Variants in SARAF observed in about 807,000 individuals in gnomAD.
SARAF encodes store-operated calcium entry-associated regulatory factor.
A neutral mutation model predicts 39.7 loss-of-function variants in SARAF; 23 were observed. The ratio of observed to expected loss-of-function variants is 0.58; its 90% CI spans 0.42 to 0.82. The LOEUF (loss-of-function observed/expected upper bound fraction) is 0.82, where lower values mean the gene tolerates loss of function less well. Ranked by LOEUF, SARAF falls within the 40% of genes least tolerant of loss-of-function variation. The probability of loss-of-function intolerance (pLI) is 0.00; values close to 1 mark genes in which losing one functional copy is unlikely to be tolerated. For missense variants in SARAF, 384 were observed against 418.5 expected, an observed-to-expected ratio of 0.92 and a Z score of 0.72; for synonymous variants, 175 against 168.5, an observed-to-expected ratio of 1.04 and a Z score of -0.30.
In SARAF at chr8:30,065,974, T is replaced by C; in HGVS notation, c.994+14A>G. 1.9e-6 allele frequency: 3 copies of C among 1,547,566 alleles called. No homozygotes were observed. Among genetic ancestry groups the C allele is most frequent in the South Asian group, 1.1e-5 (1 of 88,222 alleles). ...TACTCCTAGGTAAAAGGAACTTGTATTTTTTGCTCTTACCTGATGCAGTTC... is the reference window on the plus strand; with the variant it reads ...TACTCCTAGGTAAAAGGAACTTGTACTTTTTGCTCTTACCTGATGCAGTTC... On this transcript the variant is annotated intron_variant, in intron 5 of 5. Transcript: ENST00000256255.
rs1402020823 is a variant in SARAF at position 30,064,555 on chromosome 8, A to ATTTTTTTTTT, written c.995-643_995-642insAAAAAAAAAA. On this transcript the variant is annotated intron_variant, in intron 5 of 5. Coordinates refer to ENST00000256255, the MANE Select transcript of SARAF (RefSeq NM_016127.6). ...TAGCCATATATATATATATATATAT[A>ATTTTTTTTTT]TATATATTTTTTTTTTTTTTTTTTG... Among the ~76,000 whole-genome samples the ATTTTTTTTTT allele has an allele frequency of 3.2e-4, 17 of 52,504 alleles. No individual in the cohort carries two copies. The East Asian group carries it at 3.3e-3, about 10-fold the overall frequency. The allele number at this position is 52,504 out of a possible 152,430, so 34.4% of individuals were successfully genotyped here.
At chr8:30,075,981 TA>T (rs1491525634) in intron 1 of SARAF, among the ~76,000 whole-genome samples, 1 of 7,378 alleles carries the variant, frequency 1.4e-4, no homozygotes, top group South Asian at 7.9e-3. Context: ...ACAGAATCCC[TA>T]AAAAAAAACA....
intron 1 of SARAF, 47 bp from the exon 2 acceptor site, chr8:30,074,102 GAGAA>G: frequency 6.3e-7 from 1 of 1,579,466 alleles, no homozygotes. Flanking sequence ...TATCGTGTCA[GAGAA>G]AGAAAGGTTC....
intron 1 of SARAF, among the ~76,000 whole-genome samples, chr8:30,075,785 TA>T (rs1234574796): frequency 6.6e-6 from 1 of 152,080 alleles, no homozygotes; most frequent in East Asian, 1.9e-4. Context: ...AAAATTCTAC[TA>T]AAACTATAAT....
Position 30,063,381 on chromosome 8 carries a change from G to A in SARAF, c.*507C>T, listed in dbSNP as rs1801601187. On this transcript the variant is annotated 3_prime_UTR_variant, in exon 6 of 6. Transcript: ENST00000256255. Reference sequence around the variant, plus strand: ...CACCACTGAATGATTCAAAGCTTCAGAGCTCAAAAGTGATCAGAACTCACA... The same window carrying A: ...CACCACTGAATGATTCAAAGCTTCAAAGCTCAAAAGTGATCAGAACTCACA... 2 of 153,736 alleles carry A rather than the reference G, an allele frequency of 1.3e-5. No individual in the cohort carries two copies. Among genetic ancestry groups the A allele is most frequent in the African/African-American group, 4.8e-5 (2 of 41,458 alleles). 9.5% of individuals were successfully genotyped at this position (153,736 alleles called of 1,614,324 possible). A position where few individuals can be genotyped will look rare whatever the true frequency, so the allele number is the denominator to read the frequency against.
At chr8:30,070,503 T>C (rs1220087186) in intron 2 of SARAF, among the ~76,000 whole-genome samples, 1 of 152,194 alleles carries the variant, frequency 6.6e-6, no homozygotes, top group African/African-American at 2.4e-5. Context: ...TAAGTATTCA[T>C]GTCTAAGGGA....
At chr8:30,069,227 C>T (rs1801771027) in intron 3 of SARAF, among the ~76,000 whole-genome samples, 1 of 148,890 alleles carries the variant, frequency 6.7e-6, no homozygotes, top group East Asian at 2.0e-4. Flanking sequence ...GCAACCTCCA[C>T]CTCCCGGGTT....
chr8:30,074,052 C>G lies in SARAF; in HGVS notation c.107G>C (p.Arg36Thr). ...GPALGWNDPDRMLLRDVKALT... is the reference protein window; with the variant it reads ...GPALGWNDPDTMLLRDVKALT... The stretch of plus-strand genomic sequence containing the variant: ...AGCTTTTACATCCCGCAGCAACATT[C>G]TGTCTGAAACAGCAAGAAAACAGAG... Residue 36 changes from arginine (R) to threonine (T), a missense_variant, in exon 2 of 6, where the codon AGA (arginine) becomes ACA (threonine). Transcript: ENST00000256255. 2 of 1,611,470 alleles carry G rather than the reference C, an allele frequency of 1.2e-6. No homozygotes were observed. Among genetic ancestry groups the G allele is most frequent in the Non-Finnish European group, 1.7e-6 (2 of 1,178,124 alleles).
intron 2 of SARAF, among the ~76,000 whole-genome samples, chr8:30,073,104 C>G (rs1458817409): frequency 6.6e-6 from 1 of 152,070 alleles, no homozygotes; most frequent in Non-Finnish European, 1.5e-5. Context: ...TAAGTATCAC[C>G]CAGTACACAT....
intron 1 of SARAF, among the ~76,000 whole-genome samples, chr8:30,081,784 A>G (rs966042294): frequency 6.6e-6 from 1 of 151,044 alleles, no homozygotes; most frequent in Non-Finnish European, 1.5e-5. Flanking sequence ...CATTTATTAC[A>G]TGGAAAAAGT....
At chr8:30,074,322 C>T (rs1000524846) in intron 1 of SARAF, among the ~76,000 whole-genome samples, 5 of 152,096 alleles carry the variant, frequency 3.3e-5, no homozygotes, top group African/African-American at 1.2e-4. Context: ...ATCAAAAGAA[C>T]AAAAAGTTCA....
rs527695849 is a variant in SARAF at position 30,063,697 on chromosome 8, A to G, written c.*191T>C. ...TGCATGTTACACTGACATACAACAC[A>G]TAAGTATTTTGTCACACATCAACTT... On this transcript the variant is annotated 3_prime_UTR_variant, in exon 6 of 6. Transcript: ENST00000256255. 2.0e-5 allele frequency: 12 copies of G among 613,302 alleles called. No homozygotes were observed. The highest frequency in any genetic ancestry group is 5.8e-5 in the Admixed American group (2 of 34,644). 38.0% of individuals were successfully genotyped at this position (613,302 alleles called of 1,614,324 possible).
At chr8:30,065,908 A>G (rs1005066153) in intron 5 of SARAF, 80 bp downstream of exon 5, 4 of 1,549,914 alleles carry the variant, frequency 2.6e-6, no homozygotes, top group Non-Finnish European at 3.6e-6. Flanking sequence ...GTTGCTAAAC[A>G]GATAATCATC....
chr8:30,076,562 G>C (rs1403420315), intron 1 of SARAF, among the ~76,000 whole-genome samples: 1 of 152,178 alleles, frequency 6.6e-6, no homozygotes, highest in Non-Finnish European at 1.5e-5. Context: ...AAAATATGAG[G>C]AAAGTCCCTG....
intron 1 of SARAF, 59 bp downstream of exon 1, chr8:30,082,788 C>T: frequency 7.2e-7 from 1 of 1,398,526 alleles, no homozygotes; most frequent in Non-Finnish European, 9.6e-7. Context: ...GGAGCCTGCA[C>T]CGGCTGACGG....
chr8:30,077,960 T>G (rs1802005703), intron 1 of SARAF, among the ~76,000 whole-genome samples: 1 of 151,022 alleles, frequency 6.6e-6, no homozygotes, highest in Admixed American at 6.6e-5. Context: ...GCAAATATGG[T>G]GAAACCCCGT....
chr8:30,078,135 G>A (rs1346153694), intron 1 of SARAF: 11 of 195,382 alleles, frequency 5.6e-5, no homozygotes, highest in African/African-American at 3.7e-4. Flanking sequence ...GCTAGACTCC[G>A]TCTCAAAAAA....
At chr8:30,081,968 A>T (rs1212441057) in intron 1 of SARAF, among the ~76,000 whole-genome samples, 1 of 152,168 alleles carries the variant, frequency 6.6e-6, no homozygotes, top group Non-Finnish European at 1.5e-5. Flanking sequence ...TATTTTTTAA[A>T]TTCTTCTCTA....
intron 2 of SARAF, among the ~76,000 whole-genome samples, chr8:30,071,671 C>T (rs1801848755): frequency 6.6e-6 from 1 of 152,208 alleles, no homozygotes. Context: ...ATATGGATTT[C>T]CCTAAATGGA....
Sources: allele counts gnomAD v4.1 joint callset (sites outside exome capture counted in the v4.1 genomes callset), GRCh38; gene constraint gnomAD v4.1.1; transcripts MANE v1.5; gene names NCBI Gene and HGNC (gene_info 2026-07-23, HGNC 2026-07-21).